The following NRXN2 variants were observed in gnomAD, a reference collection of about 807,000 sequenced individuals.
NRXN2 encodes the protein neurexin-2-beta.
A neutral mutation model predicts 128.8 loss-of-function variants in NRXN2; 29 were observed. The ratio of observed to expected loss-of-function variants is 0.23; its 90% CI spans 0.17 to 0.31. The LOEUF is 0.31. Among genes scored for constraint, NRXN2 ranks in the 10% least tolerant of loss-of-function variants. NRXN2 has a pLI of 1.00. For missense variants in NRXN2, 1,881 were observed against 2,452.6 expected (o/e 0.77, Z 4.92); for synonymous variants, 1,098 against 1,075.2 (o/e 1.02, Z -0.41).
At chr11:64,659,767 G>C (rs2048757590) in intron 11 of NRXN2, 1 of 164,658 alleles carries the variant, frequency 6.1e-6, no homozygotes, top group Non-Finnish European at 1.3e-5. Context: ...CATGGCACTA[G>C]AAACGGGAAG....
chr11:64,616,587 G>A (rs2041567540), intron 22 of NRXN2, among the ~76,000 whole-genome samples: 1 of 152,144 alleles, frequency 6.6e-6, no homozygotes, highest in African/African-American at 2.4e-5. Flanking sequence ...GTGTCACAAG[G>A]TATATGTCTC....
intron 6 of NRXN2, 151 bp downstream of exon 6, chr11:64,685,495 C>T: frequency 3.9e-6 from 4 of 1,029,300 alleles, no homozygotes; most frequent in Non-Finnish European, 5.9e-6. Context: ...TATGTCGGGA[C>T]CCTCACAGCC....
intron 17 of NRXN2, chr11:64,646,403 GGCGACGGGCAGC>G (rs1271375117): frequency 6.6e-6 from 1 of 152,430 alleles, no homozygotes; most frequent in Non-Finnish European, 1.5e-5. Flanking sequence ...GTGAAGCAGT[GGCGACGGGCAGC>G]AGCGCTTCGT....
intron 1 of NRXN2, among the ~76,000 whole-genome samples, chr11:64,719,608 G>A (rs2057381842): frequency 6.6e-6 from 1 of 152,232 alleles, no homozygotes; most frequent in Non-Finnish European, 1.5e-5. Flanking sequence ...TGGGGAAGCG[G>A]GTGGGCTGGG....
At chr11:64,628,236 G>T (rs1202023413) in intron 19 of NRXN2, among the ~76,000 whole-genome samples, 1 of 152,214 alleles carries the variant, frequency 6.6e-6, no homozygotes, top group Non-Finnish European at 1.5e-5. Context: ...CCTTTCCGAA[G>T]TGGAAACTGA....
At chr11:64,696,842 G>A (rs1036614201) in intron 3 of NRXN2, among the ~76,000 whole-genome samples, 7 of 152,138 alleles carry the variant, frequency 4.6e-5, no homozygotes, top group African/African-American at 1.7e-4. Context: ...GTAGCTATGT[G>A]AGCTCATCTT....
chr11:64,618,257 C>T (rs1024198717), intron 22 of NRXN2, among the ~76,000 whole-genome samples: 1 of 152,218 alleles, frequency 6.6e-6, no homozygotes, highest in African/African-American at 2.4e-5. Flanking sequence ...CTTCGGTGGG[C>T]AGAGTATGGC....
At chr11:64,671,569 G>A (rs1297647731) in intron 7 of NRXN2, among the ~76,000 whole-genome samples, 1 of 152,092 alleles carries the variant, frequency 6.6e-6, no homozygotes, top group Non-Finnish European at 1.5e-5. Context: ...GTGCGACACA[G>A]AACAGCCACT....
chr11:64,706,654 T>C (rs1479931672), intron 2 of NRXN2, among the ~76,000 whole-genome samples: 1 of 152,158 alleles, frequency 6.6e-6, no homozygotes, highest in Non-Finnish European at 1.5e-5. Flanking sequence ...TCTACTATTC[T>C]CCCTATACCC....
intron 17 of NRXN2, chr11:64,642,684 C>T (rs2045897891): frequency 3.3e-6 from 5 of 1,536,222 alleles, no homozygotes; most frequent in South Asian, 1.2e-5. Flanking sequence ...GCAACAGCAG[C>T]AACAGCGGCA....
rs933112565 is a variant in NRXN2 at position 64,667,155 on chromosome 11, T to C, written c.1798+95A>G. On this transcript the variant is annotated intron_variant, in intron 9 of 22. Coordinates refer to ENST00000265459, the MANE Select transcript of NRXN2 (RefSeq NM_015080.4). The surrounding 1 kb of genome is among the most constrained non-coding windows in gnomAD (Gnocchi z 5.6). ...CGGCAGGGAAGAATATAGGAAATGG[T>C]GTAGAAGAGACCCGCTGAAGAGAGA... 2 of 1,236,168 alleles carry C rather than the reference T, an allele frequency of 1.6e-6. No homozygotes were observed. Among genetic ancestry groups the C allele is most frequent in the Non-Finnish European group, 1.2e-6 (1 of 857,066 alleles). 76.6% of individuals were successfully genotyped at this position (1,236,168 alleles called of 1,614,324 possible).
intron 9 of NRXN2, among the ~76,000 whole-genome samples, chr11:64,662,857 C>T (rs2049246082): frequency 6.6e-6 from 1 of 151,994 alleles, no homozygotes; most frequent in African/African-American, 2.4e-5. Flanking sequence ...ACGCAAGACC[C>T]CATTGCAGAC....
intron 17 of NRXN2, among the ~76,000 whole-genome samples, chr11:64,644,811 G>A (rs1394257354): frequency 3.9e-5 from 6 of 152,144 alleles, no homozygotes; most frequent in Middle Eastern, 3.4e-3. Flanking sequence ...GGCTGGGAGA[G>A]AGGAGGCTGG....
At chr11:64,638,149 C>G (rs962006374) in intron 17 of NRXN2, among the ~76,000 whole-genome samples, 1 of 152,182 alleles carries the variant, frequency 6.6e-6, no homozygotes, top group Non-Finnish European at 1.5e-5. Context: ...TCCCCGCCCC[C>G]GAGGCCCGCG....
At chr11:64,680,709 C>T (rs1391150383) in intron 6 of NRXN2, among the ~76,000 whole-genome samples, 2 of 152,074 alleles carry the variant, frequency 1.3e-5, no homozygotes, top group Non-Finnish European at 2.9e-5. Flanking sequence ...TGGGGAGAGA[C>T]GTTACAGTGC....
chr11:64,687,365 C>T (rs965502595), intron 5 of NRXN2, among the ~76,000 whole-genome samples: 5 of 152,170 alleles, frequency 3.3e-5, no homozygotes, highest in Non-Finnish European at 7.3e-5. Flanking sequence ...CCTCCACACA[C>T]AGCCTGCTTC....
At chr11:64,645,419 C>T (rs11820322) in intron 17 of NRXN2, among the ~76,000 whole-genome samples, 15,568 of 151,904 alleles carry the variant, frequency 0.1, 1,150 homozygotes, top group East Asian at 0.29. Context: ...CAGAGATGAA[C>T]GGAGACAGGG....
chr11:64,643,309 T>C, intron 17 of NRXN2: 1 of 946,676 alleles, frequency 1.1e-6, no homozygotes, highest in Non-Finnish European at 1.2e-6. Flanking sequence ...GCCGCGCCGC[T>C]GCTGCCGCTG....
chr11:64,687,272 G>A (rs1231902595), intron 5 of NRXN2, among the ~76,000 whole-genome samples: 2 of 152,250 alleles, frequency 1.3e-5, no homozygotes, highest in Admixed American at 1.3e-4. Context: ...TGGAGGCAGG[G>A]CTCAGCAGCA....
Sources: gnomAD v4.1 joint callset for allele counts (sites outside exome capture counted in the v4.1 genomes callset) on GRCh38, gnomAD v4.1.1 for gene constraint, Gnocchi (gnomAD v3.1) non-coding constraint, MANE v1.5 for transcripts, NCBI Gene and HGNC (gene_info 2026-07-23, HGNC 2026-07-21) for gene names.